The following PXK variants were observed in gnomAD, a reference collection of about 807,000 sequenced individuals.
PXK encodes PX domain containing serine/threonine kinase like.
Under a neutral mutation model 84.7 loss-of-function variants are expected in PXK, and 35 were observed. The observed-to-expected ratio is 0.41, with a 90% confidence interval of 0.32 to 0.55. The LOEUF is 0.55. Ranked by LOEUF, PXK falls within the 20% of genes least tolerant of loss-of-function variation. The pLI is 0.21. For missense variants in PXK, 634 were observed against 699.7 expected (o/e 0.91, Z 1.06); for synonymous variants, 253 against 260.8 (o/e 0.97, Z 0.29).
rs768994796 is a variant in PXK at position 58,421,534 on chromosome 3, C to A, written c.1529-3218C>A. ...GGCGGAGCTTGCAGTGAGCCGAGATCGCGCCACTGCACTCCAGCCTGGGCA... is the reference window on the plus strand; with the variant it reads ...GGCGGAGCTTGCAGTGAGCCGAGATAGCGCCACTGCACTCCAGCCTGGGCA... On this transcript the variant is annotated intron_variant, in intron 17 of 17. Transcript: ENST00000356151. This position sits in a 1 kb window ranked among gnomAD's most constrained non-coding sequence, Gnocchi z 5.5. 4.3e-6 allele frequency: 4 copies of A among 935,428 alleles called. No homozygotes were observed. The highest frequency in any genetic ancestry group is 5.1e-6 in the Non-Finnish European group (4 of 782,780). The allele number at this position is 935,428 out of a possible 1,614,324, so 57.9% of individuals were successfully genotyped here.
chr3:58,336,313 AG>A (rs1244954834), intron 1 of PXK, among the ~76,000 whole-genome samples: 2 of 152,030 alleles, frequency 1.3e-5, no homozygotes, highest in Non-Finnish European at 2.9e-5. Flanking sequence ...AGGGAACACA[AG>A]GTCACCACCA....
intron 1 of PXK, among the ~76,000 whole-genome samples, chr3:58,335,059 G>GTGTGTGTGTGTGTGT (rs1559824418): frequency 7.4e-6 from 1 of 134,602 alleles, no homozygotes; most frequent in African/African-American, 2.8e-5. Flanking sequence ...GTGTGTGTGT[G>GTGTGTGTGTGTGTGT]GAGACAGCGT....
intron 17 of PXK, among the ~76,000 whole-genome samples, chr3:58,415,757 G>A (rs1415370128): frequency 6.6e-6 from 1 of 152,224 alleles, no homozygotes; most frequent in Non-Finnish European, 1.5e-5. Context: ...GGACCAGGCA[G>A]CAAAATGCTC....
Position 58,424,946 on chromosome 3 carries a change from C to T in PXK, c.1723C>T (p.Pro575Ser), listed in dbSNP as rs1256515740. The T allele has an allele frequency of 6.2e-6, 10 of 1,614,076 alleles. No homozygotes were observed. The highest frequency in any genetic ancestry group is 7.6e-6 in the Non-Finnish European group (9 of 1,180,044). The change falls in exon 18 of 18, where the codon CCG (proline) becomes TCG (serine). Residue 575 changes from proline to serine, a missense_variant. Pro to Ser is a moderately conservative substitution (Grantham distance 74). This residue lies in a region of PXK where 273 missense variants were observed against 283.6 expected (regional missense o/e 0.96). Transcript: ENST00000356151. ...AGCCAAAACCTGTGATCACAGTGCT[C>T]CGAAGATCGGCTGAAGCTTCCTGTT... ...RKAKTCDHSA[P>S]KIG
chr3:58,425,245 T>C lies in PXK; in HGVS notation c.*285T>C. 2.8e-6 allele frequency: 1 copy of C among 358,318 alleles called. No individual in the cohort carries two copies. The highest frequency in any genetic ancestry group is 5.2e-6 in the Non-Finnish European group (1 of 192,594). The allele number at this position is 358,318 out of a possible 1,614,324, so 22.2% of individuals were successfully genotyped here. A position where few individuals can be genotyped will look rare whatever the true frequency, so the allele number is the denominator to read the frequency against. The stretch of plus-strand genomic sequence containing the variant: ...CTTTTGGGACAGCAGCATATTGAAA[T>C]ATTTTCACCAACTAAAGGAAATAGA... On this transcript the variant is annotated 3_prime_UTR_variant, in exon 18 of 18. Transcript: ENST00000356151.
rs557479075 is a variant in PXK, at chr3:58,407,792, A to G, written c.1231-1132A>G. Among the ~76,000 whole-genome samples the G allele has an allele frequency of 1.2e-4, 19 of 152,274 alleles. No homozygotes were observed. Among genetic ancestry groups the G allele is most frequent in the African/African-American group, 4.6e-4 (19 of 41,552 alleles). On this transcript the variant is annotated intron_variant, in intron 13 of 17. Coordinates refer to ENST00000356151, the MANE Select transcript of PXK (RefSeq NM_017771.5). The surrounding 1 kb of genome is among the most constrained non-coding windows in gnomAD (Gnocchi z 4.3). Reference sequence around the variant, plus strand: ...GGCTGGTCTTGAACTTCTGACCTCAAGTGATCCACCCACCTCAGCCTCCCA... The same window carrying G: ...GGCTGGTCTTGAACTTCTGACCTCAGGTGATCCACCCACCTCAGCCTCCCA...
In PXK at chr3:58,409,770, T is replaced by TC; in HGVS notation, c.1395+152_1395+153insC. On this transcript the variant is annotated intron_variant, in intron 15 of 17. Coordinates refer to ENST00000356151, the MANE Select transcript of PXK (RefSeq NM_017771.5). This position sits in a 1 kb window ranked among gnomAD's most constrained non-coding sequence, Gnocchi z 4.2. ...CCAGATGACTGGGGTGCAGTTTTTT[T>TC]GGGGAAAAAAAAAGAGTCATATGAT... is the stretch of plus-strand genomic sequence containing the variant. 4.2e-6 allele frequency: 1 copy of TC among 235,392 alleles called. No individual in the cohort carries two copies. Among genetic ancestry groups the TC allele is most frequent in the Non-Finnish European group, 7.3e-6 (1 of 137,450 alleles). 14.6% of individuals were successfully genotyped at this position (235,392 alleles called of 1,614,324 possible). A position where few individuals can be genotyped will look rare whatever the true frequency, so the allele number is the denominator to read the frequency against.
At position 58,370,198 on chromosome 3, in the gene PXK, A is replaced by T. The variant is rs968850941; in HGVS notation, c.201+720A>T. 6.6e-6 allele frequency among the ~76,000 whole-genome samples: 1 copy of T among 152,206 alleles called. No individual in the cohort carries two copies. The highest frequency in any genetic ancestry group is 2.4e-5 in the African/African-American group (1 of 41,456). On this transcript the variant is annotated intron_variant, in intron 3 of 17. Transcript: ENST00000356151. The surrounding 1 kb of genome is among the most constrained non-coding windows in gnomAD (Gnocchi z 4.2). ...CATGCAGCAGTAACTGAGAGTCTCA[A>T]CCTTTTTCTGTTTAACTTTTTTATC... is the stretch of plus-strand genomic sequence containing the variant.
At chr3:58,357,697 CTAGCACTTTGGGAG>C (rs1333615186) in intron 1 of PXK, among the ~76,000 whole-genome samples, 1 of 152,110 alleles carries the variant, frequency 6.6e-6, no homozygotes, top group East Asian at 1.9e-4. Context: ...ATATGTAATC[CTAGCACTTTGGGAG>C]GCCAAGGTGG....
Position 58,332,940 on chromosome 3 carries a change from T to G in PXK, c.-49T>G. 8.1e-7 allele frequency: 1 copy of G among 1,229,916 alleles called. No homozygotes were observed. Among genetic ancestry groups the G allele is most frequent in the Non-Finnish European group, 1.1e-6 (1 of 952,284 alleles). 76.2% of individuals were successfully genotyped at this position (1,229,916 alleles called of 1,614,324 possible). A position where few individuals can be genotyped will look rare whatever the true frequency, so the allele number is the denominator to read the frequency against. Reference sequence around the variant, plus strand: ...CGGGCGGGCGGCGGGAGTCGGCGCCTCGGGTTCCTACCTCGCGTCCCTAGG... The same window carrying G: ...CGGGCGGGCGGCGGGAGTCGGCGCCGCGGGTTCCTACCTCGCGTCCCTAGG... On this transcript the variant is annotated 5_prime_UTR_variant, in exon 1 of 18. Coordinates refer to ENST00000356151, the MANE Select transcript of PXK (RefSeq NM_017771.5). The surrounding 1 kb of genome is among the most constrained non-coding windows in gnomAD (Gnocchi z 5.6).
At chr3:58,355,017 G>A (rs2098039725) in intron 1 of PXK, among the ~76,000 whole-genome samples, 1 of 151,978 alleles carries the variant, frequency 6.6e-6, no homozygotes, top group African/African-American at 2.4e-5. Flanking sequence ...TACTTGGGAG[G>A]CTGAGGTACG....
chr3:58,334,907 G>A (rs2097558375), intron 1 of PXK, among the ~76,000 whole-genome samples: 2 of 151,254 alleles, frequency 1.3e-5, no homozygotes, highest in African/African-American at 4.9e-5. Flanking sequence ...AGATGTAATA[G>A]GATTCTGTTT....
chr3:58,417,591 CTT>C (rs919565589), intron 17 of PXK, among the ~76,000 whole-genome samples: 3 of 152,150 alleles, frequency 2.0e-5, no homozygotes, highest in Admixed American at 6.5e-5. Context: ...CTCTAATACT[CTT>C]TTGCTGAGAC....
At chr3:58,339,585 A>G (rs540616811) in intron 1 of PXK, among the ~76,000 whole-genome samples, 1 of 152,154 alleles carries the variant, frequency 6.6e-6, no homozygotes, top group East Asian at 1.9e-4. Flanking sequence ...CAATCCCTGT[A>G]TATCATCTGT....
intron 1 of PXK, among the ~76,000 whole-genome samples, chr3:58,348,800 C>T (rs2097865565): frequency 4.0e-5 from 6 of 151,708 alleles, no homozygotes. Flanking sequence ...GTAGTCTCAG[C>T]TACTCAGGAG....
chr3:58,335,187 T>A (rs1355315633), intron 1 of PXK, among the ~76,000 whole-genome samples: 1 of 152,088 alleles, frequency 6.6e-6, no homozygotes, highest in Non-Finnish European at 1.5e-5. Flanking sequence ...GCAGATCTTT[T>A]CTTTAAAAAA....
chr3:58,357,968 AC>A (rs1394308092), intron 1 of PXK, among the ~76,000 whole-genome samples: 7 of 150,648 alleles, frequency 4.6e-5, no homozygotes, highest in African/African-American at 1.5e-4. Flanking sequence ...CTGTCTCAAA[AC>A]AAAAAAACAA....
Position 58,399,389 on chromosome 3 carries a change from A to G in PXK, c.1181+12A>G, listed in dbSNP as rs148271843. 4.1e-5 allele frequency: 65 copies of G among 1,604,760 alleles called. No individual in the cohort carries two copies. Among genetic ancestry groups the G allele is most frequent in the Non-Finnish European group, 5.3e-5 (62 of 1,171,602 alleles). Reference sequence around the variant, plus strand: ...CTCTTACAGATGCCGTAAGTCAATCATATGCGTTGGTTGTAATCTTGATAA... The same window carrying G: ...CTCTTACAGATGCCGTAAGTCAATCGTATGCGTTGGTTGTAATCTTGATAA... On this transcript the variant is annotated intron_variant, in intron 12 of 17. Transcript: ENST00000356151. This position sits in a 1 kb window ranked among gnomAD's most constrained non-coding sequence, Gnocchi z 4.3.
intron 3 of PXK, among the ~76,000 whole-genome samples, chr3:58,380,198 A>G (rs1327550553): frequency 1.3e-5 from 2 of 152,184 alleles, no homozygotes; most frequent in Non-Finnish European, 2.9e-5. Flanking sequence ...AAACAGACAC[A>G]TGAAAGTCAC....
Sources: allele counts gnomAD v4.1 joint callset (sites outside exome capture counted in the v4.1 genomes callset), GRCh38; gene constraint gnomAD v4.1.1; regional missense constraint gnomAD v4.1.1; non-coding constraint Gnocchi (gnomAD v3.1); transcripts MANE v1.5; gene names NCBI Gene and HGNC (gene_info 2026-07-23, HGNC 2026-07-21).